DENND1B: variants seen among roughly 807,000 people sequenced by gnomAD.
The protein encoded by DENND1B is DENN domain-containing protein 1B.
Under a neutral mutation model 90.1 loss-of-function variants are expected in DENND1B, and 59 were observed. The ratio of observed to expected loss-of-function variants is 0.65; its 90% CI spans 0.53 to 0.81. The LOEUF (loss-of-function observed/expected upper bound fraction) is 0.81. Ranked by LOEUF, DENND1B falls within the 40% of genes least tolerant of loss-of-function variation. DENND1B has a pLI of 0.00. For synonymous variants in DENND1B, 337 were observed against 324.6 expected (o/e 1.04, Z -0.41); for missense variants, 862 against 912.6 (o/e 0.94, Z 0.71).
chr1:197,765,916 C>CT (rs1264763577), intron 2 of DENND1B, among the ~76,000 whole-genome samples: 9 of 152,280 alleles, frequency 5.9e-5, no homozygotes, highest in Admixed American at 5.2e-4. Context: ...ATTTGATTTG[C>CT]TTTTTACACT....
At chr1:197,628,201 A>G (rs934959988) in intron 10 of DENND1B, among the ~76,000 whole-genome samples, 1 of 152,194 alleles carries the variant, frequency 6.6e-6, no homozygotes. Flanking sequence ...GAACCAAAAA[A>G]GAGCCCGCAT....
chr1:197,512,773 A>G lies in DENND1B; in HGVS notation c.1598+98T>C, dbSNP rs952474978. 212 of 1,049,644 alleles carry G rather than the reference A, an allele frequency of 2.0e-4. 2 individuals carry two copies. Among genetic ancestry groups the G allele is most frequent in the Middle Eastern group, 1.3e-3 (6 of 4,782 alleles). 65.0% of individuals were successfully genotyped at this position (1,049,644 alleles called of 1,614,324 possible). ...GAACACTGTAAAAGGGCAACATCTG[A>G]GCTCTAAGAGTGCATACTCTTTGAA... On this transcript the variant is annotated intron_variant, in intron 21 of 22. Transcript: ENST00000620048.
chr1:197,554,023 T>C (rs1278623972), intron 15 of DENND1B, among the ~76,000 whole-genome samples: 1 of 151,636 alleles, frequency 6.6e-6, no homozygotes, highest in Non-Finnish European at 1.5e-5. Flanking sequence ...TACCAGAATC[T>C]CACAGTATTA....
intron 14 of DENND1B, among the ~76,000 whole-genome samples, chr1:197,588,387 C>T (rs183098731): frequency 6.6e-6 from 1 of 152,166 alleles, no homozygotes; most frequent in East Asian, 1.9e-4. Flanking sequence ...CAAGAAAATA[C>T]TTAAAACATA....
At position 197,704,547 on chromosome 1, in the gene DENND1B, C is replaced by T. The variant is rs182216645; in HGVS notation, c.126+10484G>A. On this transcript the variant is annotated intron_variant, in intron 3 of 22. Coordinates refer to ENST00000620048, the MANE Select transcript of DENND1B (RefSeq NM_001195215.2). Reference sequence around the variant, plus strand: ...CCAATACTCTCCTGTACAAAACCCTCCACTGTATCAAAAAAAGAAAAAATA... The same window carrying T: ...CCAATACTCTCCTGTACAAAACCCTTCACTGTATCAAAAAAAGAAAAAATA... Among the ~76,000 whole-genome samples, 315 of 152,136 alleles carry T rather than the reference C, an allele frequency of 2.1e-3. 1 individual carries two copies. Among genetic ancestry groups the T allele is most frequent in the African/African-American group, 7.4e-3 (308 of 41,518 alleles).
intron 20 of DENND1B, among the ~76,000 whole-genome samples, chr1:197,523,454 G>T (rs1410749981): frequency 2.6e-5 from 4 of 152,100 alleles, no homozygotes; most frequent in African/African-American, 7.2e-5. Flanking sequence ...GGGGCGCATG[G>T]CCCACTTAAG....
intron 15 of DENND1B, among the ~76,000 whole-genome samples, chr1:197,564,645 T>A (rs995003764): frequency 6.6e-6 from 1 of 151,982 alleles, no homozygotes; most frequent in East Asian, 1.9e-4. Context: ...ACCCACACTA[T>A]CTCTGAGCTA....
chr1:197,553,763 C>T (rs1381575735), intron 15 of DENND1B, among the ~76,000 whole-genome samples: 1 of 152,090 alleles, frequency 6.6e-6, no homozygotes, highest in Admixed American at 6.6e-5. Flanking sequence ...CATACATTCT[C>T]ACTGAATGAC....
At position 197,742,718 on chromosome 1, in the gene DENND1B, G is replaced by A. The variant is rs149690084; in HGVS notation, c.83-27644C>T. 2.5e-3 allele frequency among the ~76,000 whole-genome samples: 374 copies of A among 152,274 alleles called. 1 individual carries two copies. The highest frequency in any genetic ancestry group is 8.4e-3 in the African/African-American group (349 of 41,562). ...ACACAAAAAACTACAGTCTTTCTGAGCAGCGGAAAAAGAGAATAAAGTCTG... is the reference window on the plus strand; with the variant it reads ...ACACAAAAAACTACAGTCTTTCTGAACAGCGGAAAAAGAGAATAAAGTCTG... On this transcript the variant is annotated intron_variant, in intron 2 of 22. Coordinates refer to ENST00000620048, the MANE Select transcript of DENND1B (RefSeq NM_001195215.2).
intron 15 of DENND1B, among the ~76,000 whole-genome samples, chr1:197,561,111 C>A (rs2125703519): frequency 6.6e-6 from 1 of 151,986 alleles, no homozygotes; most frequent in Non-Finnish European, 1.5e-5. Context: ...CATGTTATTT[C>A]TTCTCTTGAC....
At chr1:197,641,332 G>A (rs1160650237) in intron 10 of DENND1B, among the ~76,000 whole-genome samples, 1 of 152,042 alleles carries the variant, frequency 6.6e-6, no homozygotes, top group African/African-American at 2.4e-5. Flanking sequence ...GAAGAAGAAT[G>A]TTTCACTTCA....
At chr1:197,756,164 A>G (rs1558485732) in intron 2 of DENND1B, among the ~76,000 whole-genome samples, 1 of 152,234 alleles carries the variant, frequency 6.6e-6, no homozygotes, top group Non-Finnish European at 1.5e-5. Flanking sequence ...TAAGGAACAG[A>G]ATATTTTGAT....
intron 15 of DENND1B, among the ~76,000 whole-genome samples, chr1:197,580,249 G>A (rs1029673730): frequency 4.4e-5 from 6 of 137,344 alleles, no homozygotes; most frequent in Non-Finnish European, 3.1e-5. Context: ...CTGCCACCAC[G>A]CCCAGCTAAT....
intron 15 of DENND1B, among the ~76,000 whole-genome samples, chr1:197,574,159 T>C (rs1398955008): frequency 6.6e-6 from 1 of 152,132 alleles, no homozygotes. Context: ...TTGTCCCTAT[T>C]TGCAGATGAC....
intron 2 of DENND1B, among the ~76,000 whole-genome samples, chr1:197,736,689 C>T (rs973210513): frequency 6.6e-6 from 1 of 152,068 alleles, no homozygotes; most frequent in Non-Finnish European, 1.5e-5. Flanking sequence ...TAAAAATCAT[C>T]CCTGAGATAA....
rs1180100828 is a variant in DENND1B at position 197,583,248 on chromosome 1, C to T, written c.1053G>A (p.Glu351=). 6 of 1,613,546 alleles carry T rather than the reference C, an allele frequency of 3.7e-6. No homozygotes were observed. The highest frequency in any genetic ancestry group is 1.7e-4 in the Middle Eastern group (1 of 6,056). The stretch of plus-strand genomic sequence containing the variant: ...AACTCTCCTCACAGAAAGTGATGGG[C>T]TCACCCTAGATAGAAATAAAGATTT... ...YRDALRYKPG[E]PITFCEESFV... is the part of the protein sequence containing the mutation. The change falls in exon 15 of 23, where the codon GAG becomes GAA. Residue 351 remains glutamate (E), a synonymous_variant. Coordinates refer to ENST00000620048, the MANE Select transcript of DENND1B (RefSeq NM_001195215.2).
At chr1:197,547,269 T>C (rs1026568341) in intron 16 of DENND1B, among the ~76,000 whole-genome samples, 28 of 95,210 alleles carry the variant, frequency 2.9e-4, no homozygotes, top group East Asian at 1.1e-3. Context: ...CCCCATCTCT[T>C]TTTTTTTTTT....
intron 10 of DENND1B, among the ~76,000 whole-genome samples, chr1:197,621,872 T>C (rs1434568549): frequency 6.6e-6 from 1 of 151,540 alleles, no homozygotes; most frequent in Admixed American, 6.6e-5. Context: ...ATTTCTTATC[T>C]TTATGTGACA....
In DENND1B at chr1:197,617,721, G is replaced by T; in HGVS notation, c.711C>A (p.Tyr237Ter). The T allele has an allele frequency of 6.2e-7, 1 of 1,607,644 alleles. No individual in the cohort carries two copies. The highest frequency in any genetic ancestry group is 1.1e-5 in the South Asian group (1 of 90,946). Reference protein sequence around the residue: ...ACIHGSAALLYPMYWQHIYIP... With the variant: ...ACIHGSAALL The stretch of plus-strand genomic sequence containing the variant: ...TGTATATGTGTTGCCAATACATTGG[G>T]TATAGAAGAGCAGCTGATCCATGGA... The change falls in exon 11 of 23, where the codon TAC becomes TAA. Residue 237 changes from tyrosine (Y) to a stop codon, truncating the protein, a stop_gained. Transcript: ENST00000620048. LOFTEE classifies it high-confidence loss of function.
Sources: gnomAD v4.1 joint callset for allele counts (sites outside exome capture counted in the v4.1 genomes callset) on GRCh38, gnomAD v4.1.1 for gene constraint, MANE v1.5 for transcripts, NCBI Gene and HGNC (gene_info 2026-07-23, HGNC 2026-07-21) for gene names.